Variants in AGTPBP1 observed in about 807,000 individuals in gnomAD.
The protein encoded by AGTPBP1 is ATP/GTP binding carboxypeptidase 1.
In AGTPBP1, 70 loss-of-function variants were observed where a neutral mutation model predicts 143.9. The ratio of observed to expected loss-of-function variants is 0.49; its 90% CI spans 0.40 to 0.59. AGTPBP1 has a LOEUF of 0.59. Ranked by LOEUF, AGTPBP1 falls within the 20% of genes least tolerant of loss-of-function variation. The probability of loss-of-function intolerance (pLI) is 0.00; values close to 1 mark genes in which losing one functional copy is unlikely to be tolerated. For synonymous variants in AGTPBP1, 463 were observed against 500.2 expected (o/e 0.93, Z 0.99); for missense variants, 1,229 against 1,464.5 (o/e 0.84, Z 2.62).
At chr9:85,697,935 A>G (rs1288292778) in intron 2 of AGTPBP1, among the ~76,000 whole-genome samples, 1 of 152,222 alleles carries the variant, frequency 6.6e-6, no homozygotes, top group Non-Finnish European at 1.5e-5. Context: ...GAAATGATAT[A>G]TAAGTCACCA....
At chr9:85,722,923 C>T (rs184204849) in intron 1 of AGTPBP1, among the ~76,000 whole-genome samples, 4 of 152,206 alleles carry the variant, frequency 2.6e-5, no homozygotes, top group Admixed American at 6.5e-5. Context: ...TTCTAACAGT[C>T]GGGCCCCTCA....
chr9:85,644,438 A>G (rs117625544), intron 12 of AGTPBP1, among the ~76,000 whole-genome samples: 2,539 of 151,928 alleles, frequency 0.017, 26 homozygotes, highest in Middle Eastern at 0.054. Context: ...GAGAGGAAAA[A>G]AAAAAAAAAG....
chr9:85,558,587 G>A (rs371420549), intron 25 of AGTPBP1, among the ~76,000 whole-genome samples: 17 of 152,242 alleles, frequency 1.1e-4, no homozygotes, highest in Middle Eastern at 3.4e-3. Flanking sequence ...AAAACATTGT[G>A]TAGATATTGC....
At chr9:85,564,217 C>T (rs1826931540) in intron 25 of AGTPBP1, among the ~76,000 whole-genome samples, 1 of 152,248 alleles carries the variant, frequency 6.6e-6, no homozygotes, top group Non-Finnish European at 1.5e-5. Context: ...GAAGGTGGAA[C>T]GGCAGCCCCA....
At chr9:85,602,362 T>C (rs192642290) in intron 17 of AGTPBP1, among the ~76,000 whole-genome samples, 3 of 152,126 alleles carry the variant, frequency 2.0e-5, no homozygotes, top group East Asian at 1.9e-4. Flanking sequence ...GAAAAAAATA[T>C]ATTAGAGAGC....
chr9:85,799,244 G>A, the AGTPBP1 span, among the ~76,000 whole-genome samples: 2 of 152,054 alleles, frequency 1.3e-5, no homozygotes, highest in South Asian at 2.1e-4. Context: ...TAGACACTTC[G>A]GTTGGTTCTA....
In AGTPBP1 at chr9:85,689,944, A is replaced by ATATCTC. The variant is rs1554726705; in HGVS notation, c.157+2744_157+2745insGAGATA. On this transcript the variant is annotated intron_variant, in intron 3 of 25. Transcript: ENST00000357081. ...AAAAAAAATATATATATATATATAT[A>ATATCTC]TATCTTAAAGTAAAAATAAAATACC... Among the ~76,000 whole-genome samples the ATATCTC allele has an allele frequency of 1.5e-4, 20 of 137,722 alleles. No homozygotes were observed. In the East Asian group the frequency reaches 3.9e-3, roughly 27 times the overall value. 90.4% of individuals were successfully genotyped at this position (137,722 alleles called of 152,430 possible).
chr9:85,569,031 C>T (rs758186970), intron 25 of AGTPBP1, among the ~76,000 whole-genome samples: 3 of 151,928 alleles, frequency 2.0e-5, no homozygotes, highest in Non-Finnish European at 2.9e-5. Context: ...ATATCACCCA[C>T]AGAAAGCAGG....
the AGTPBP1 span, among the ~76,000 whole-genome samples, chr9:85,771,999 T>C: frequency 1.2e-3 from 170 of 147,614 alleles, 1 homozygote; most frequent in African/African-American, 3.9e-3. Flanking sequence ...TTTTTTTTTT[T>C]CCCTGAGATG....
upstream of AGTPBP1, among the ~76,000 whole-genome samples, chr9:85,742,754 G>T (rs1824450262): frequency 6.6e-6 from 1 of 152,142 alleles, no homozygotes; most frequent in Non-Finnish European, 1.5e-5. Flanking sequence ...CTTCTGTTTT[G>T]ACTGTACTTC....
chr9:85,757,207 C>G, the AGTPBP1 span, among the ~76,000 whole-genome samples: 1 of 152,266 alleles, frequency 6.6e-6, no homozygotes, highest in South Asian at 2.1e-4. Context: ...GCTCGGACTA[C>G]AGGCACACAC....
chr9:85,653,878 G>C (rs1054026381), intron 11 of AGTPBP1, among the ~76,000 whole-genome samples: 1 of 152,134 alleles, frequency 6.6e-6, no homozygotes, highest in Non-Finnish European at 1.5e-5. Context: ...AAATGGAATG[G>C]GAAAAGGGTA....
chr9:85,576,474 A>G (rs1344021166), intron 24 of AGTPBP1, among the ~76,000 whole-genome samples: 10 of 152,230 alleles, frequency 6.6e-5, no homozygotes, highest in Non-Finnish European at 1.3e-4. Context: ...TAGTTTGGCC[A>G]ACTCCCAAAT....
rs758484211 is a variant in AGTPBP1, at chr9:85,660,926, A to G, written c.700+10T>C. 1.3e-6 allele frequency: 2 copies of G among 1,568,554 alleles called. No individual in the cohort carries two copies. Among genetic ancestry groups the G allele is most frequent in the African/African-American group, 2.7e-5 (2 of 72,938 alleles). The stretch of plus-strand genomic sequence containing the variant: ...ATAGTATCTAGTATTTCTAGTATTT[A>G]AAAACTTACTTGATTTTAGCAATGC... On this transcript the variant is annotated intron_variant, in intron 9 of 25. Coordinates refer to ENST00000357081, the MANE Select transcript of AGTPBP1 (RefSeq NM_001330701.2).
rs140825388 is a variant in AGTPBP1 at position 85,693,528 on chromosome 9, G to A, written c.33-715C>T. Among the ~76,000 whole-genome samples the A allele has an allele frequency of 3.6e-4, 55 of 152,272 alleles. No individual in the cohort carries two copies. The East Asian group carries it at 9.1e-3, about 25-fold the overall frequency. On this transcript the variant is annotated intron_variant, in intron 2 of 25. Coordinates refer to ENST00000357081, the MANE Select transcript of AGTPBP1 (RefSeq NM_001330701.2). The stretch of plus-strand genomic sequence containing the variant: ...CAGGAGAATTGCTTGAATCCAGGAG[G>A]CGGAGGTTGCAGTGAGCTGAGATCA...
At chr9:85,708,059 T>A (rs968438093) in intron 2 of AGTPBP1, among the ~76,000 whole-genome samples, 1 of 152,122 alleles carries the variant, frequency 6.6e-6, no homozygotes, top group African/African-American at 2.4e-5. Context: ...ACTCAAAGTA[T>A]AATAAAAAAT....
chr9:85,770,352 T>A, the AGTPBP1 span: 3,644 of 1,607,862 alleles, frequency 2.3e-3, 13 homozygotes, highest in Non-Finnish European at 2.9e-3. Flanking sequence ...AATACAAGAA[T>A]GAAAGTATCC....
At chr9:85,632,593 A>AT in intron 14 of AGTPBP1, 69 bp downstream of exon 14, 2 of 1,360,296 alleles carry the variant, frequency 1.5e-6, no homozygotes, top group Non-Finnish European at 2.0e-6. Context: ...GCCCAAAGTA[A>AT]TTTTTTTAAG....
chr9:85,568,978 G>C (rs1373402460), intron 25 of AGTPBP1, among the ~76,000 whole-genome samples: 1 of 152,000 alleles, frequency 6.6e-6, no homozygotes, highest in African/African-American at 2.4e-5. Flanking sequence ...TAAGTATTTT[G>C]GAGTTGTCAA....
Sources: allele counts gnomAD v4.1 joint callset (sites outside exome capture counted in the v4.1 genomes callset), GRCh38; gene constraint gnomAD v4.1.1; transcripts MANE v1.5; gene names NCBI Gene and HGNC (gene_info 2026-07-23, HGNC 2026-07-21).